The following AGBL4 variants were observed in gnomAD, a reference collection of about 807,000 sequenced individuals.
AGBL4 encodes the protein AGBL carboxypeptidase 4.
A neutral mutation model predicts 66.4 loss-of-function variants in AGBL4; 58 were observed. That is an observed-to-expected ratio of 0.87 (90% CI 0.71 to 1.09). The LOEUF (loss-of-function observed/expected upper bound fraction) is 1.09. AGBL4 is among the 50% of genes least tolerant of loss of function. The pLI is 0.00. For synonymous variants in AGBL4, 234 were observed against 222.9 expected (o/e 1.05, Z -0.44); for missense variants, 579 against 631.0 (o/e 0.92, Z 0.88).
chr1:49,002,703 T>C (rs1301507033), intron 5 of AGBL4, among the ~76,000 whole-genome samples: 1 of 152,230 alleles, frequency 6.6e-6, no homozygotes, highest in African/African-American at 2.4e-5. Context: ...GCAAAAGGAT[T>C]AATGGTTTCA....
intron 3 of AGBL4, among the ~76,000 whole-genome samples, chr1:49,431,854 GC>G (rs1645795119): frequency 6.6e-6 from 1 of 151,996 alleles, no homozygotes; most frequent in African/African-American, 2.4e-5. Context: ...ACTGTGGCAG[GC>G]CAGGTCTCAC....
At chr1:48,932,679 C>A (rs1264269867) in intron 5 of AGBL4, among the ~76,000 whole-genome samples, 5 of 152,126 alleles carry the variant, frequency 3.3e-5, no homozygotes, top group Non-Finnish European at 4.4e-5. Context: ...CCAATCATGG[C>A]ATAGAGTGAC....
chr1:48,534,338 CA>C, intron 13 of AGBL4, 45 bp from the exon 14 acceptor site: 1 of 1,520,422 alleles, frequency 6.6e-7, no homozygotes, highest in South Asian at 1.3e-5. Flanking sequence ...AGCCCATATA[CA>C]CACTGTGATG....
chr1:49,019,444 A>G (rs527512198), intron 5 of AGBL4, among the ~76,000 whole-genome samples: 11 of 152,318 alleles, frequency 7.2e-5, no homozygotes, highest in Admixed American at 4.6e-4. Context: ...TCTTCAGGTC[A>G]ATGTAATCAG....
chr1:49,168,333 G>A (rs1646670743), intron 4 of AGBL4, among the ~76,000 whole-genome samples: 1 of 152,304 alleles, frequency 6.6e-6, no homozygotes, highest in South Asian at 2.1e-4. Context: ...CCAAATTGCT[G>A]TGATCTGGAG....
chr1:49,811,088 G>A (rs1034245038), intron 2 of AGBL4, among the ~76,000 whole-genome samples: 12 of 152,170 alleles, frequency 7.9e-5, no homozygotes, highest in East Asian at 1.9e-4. Context: ...ATATCTATCC[G>A]AAACACTGAC....
At chr1:49,243,022 C>CAT (rs71307611) in intron 4 of AGBL4, among the ~76,000 whole-genome samples, 17,917 of 149,232 alleles carry the variant, frequency 0.12, 1,177 homozygotes, top group East Asian at 0.31. Flanking sequence ...AATTTTTATA[C>CAT]ATATATATAT....
At chr1:48,753,988 C>G (rs1476767810) in intron 6 of AGBL4, among the ~76,000 whole-genome samples, 1 of 152,112 alleles carries the variant, frequency 6.6e-6, no homozygotes, top group Admixed American at 6.5e-5. Flanking sequence ...ATTTGTGTTC[C>G]CTGTGAGACT....
intron 3 of AGBL4, among the ~76,000 whole-genome samples, chr1:49,284,555 C>T (rs1401822590): frequency 6.6e-6 from 1 of 152,090 alleles, no homozygotes; most frequent in East Asian, 1.9e-4. Context: ...ACTAAATGCT[C>T]CAATTAAAAG....
chr1:49,858,416 T>A (rs1646485929), intron 1 of AGBL4, among the ~76,000 whole-genome samples: 1 of 152,126 alleles, frequency 6.6e-6, no homozygotes, highest in Non-Finnish European at 1.5e-5. Context: ...ATCAATGATA[T>A]ATTTATATAT....
intron 6 of AGBL4, among the ~76,000 whole-genome samples, chr1:48,762,614 TTG>T (rs58396843): frequency 0.069 from 5,143 of 74,996 alleles, 172 homozygotes; most frequent in African/African-American, 0.15. Flanking sequence ...TTTAAGGGTT[TTG>T]TGTGTGTGTG....
intron 9 of AGBL4, among the ~76,000 whole-genome samples, chr1:48,610,364 G>A (rs1645218751): frequency 6.6e-6 from 1 of 152,150 alleles, no homozygotes; most frequent in African/African-American, 2.4e-5. Context: ...TGGTTAGGAT[G>A]CATTTTTCAG....
chr1:49,029,128 A>T (rs2149032628), intron 5 of AGBL4, among the ~76,000 whole-genome samples: 1 of 152,282 alleles, frequency 6.6e-6, no homozygotes, highest in Middle Eastern at 3.4e-3. Flanking sequence ...GAAAGACTGG[A>T]TGCTTTACCT....
chr1:49,697,699 G>T (rs1478940967), intron 2 of AGBL4, among the ~76,000 whole-genome samples: 1 of 152,170 alleles, frequency 6.6e-6, no homozygotes, highest in Admixed American at 6.6e-5. Context: ...ATCTTTGACA[G>T]ACCAGGATAT....
At chr1:49,204,822 A>T (rs1344963863) in intron 4 of AGBL4, among the ~76,000 whole-genome samples, 1 of 152,120 alleles carries the variant, frequency 6.6e-6, no homozygotes, top group Non-Finnish European at 1.5e-5. Flanking sequence ...ATGTCACAGT[A>T]TTTGATGAGC....
At chr1:49,030,483 G>A (rs974343575) in intron 5 of AGBL4, among the ~76,000 whole-genome samples, 1 of 152,092 alleles carries the variant, frequency 6.6e-6, no homozygotes, top group Non-Finnish European at 1.5e-5. Flanking sequence ...TTAGGAACCA[G>A]GTCACAGAGC....
intron 5 of AGBL4, among the ~76,000 whole-genome samples, chr1:48,938,437 G>A (rs1041677995): frequency 8.5e-5 from 13 of 152,304 alleles, no homozygotes; most frequent in African/African-American, 2.6e-4. Flanking sequence ...GGAACACAGC[G>A]TTCTATGACA....
intron 3 of AGBL4, among the ~76,000 whole-genome samples, chr1:49,373,329 G>A (rs1644405317): frequency 6.6e-6 from 1 of 152,132 alleles, no homozygotes; most frequent in Non-Finnish European, 1.5e-5. Context: ...AAATTAAGTA[G>A]AACTGATATC....
At chr1:49,672,901 A>C (rs1233649070) in intron 3 of AGBL4, among the ~76,000 whole-genome samples, 14 of 149,544 alleles carry the variant, frequency 9.4e-5, no homozygotes, top group African/African-American at 3.5e-4. Context: ...AGCCTGGGCA[A>C]CAAGAGCAAA....
Sources: allele counts gnomAD v4.1 joint callset (sites outside exome capture counted in the v4.1 genomes callset), GRCh38; gene constraint gnomAD v4.1.1; transcripts MANE v1.5; gene names NCBI Gene and HGNC (gene_info 2026-07-23, HGNC 2026-07-21).